The following ACACA variants were observed in gnomAD, a reference collection of about 807,000 sequenced individuals.
ACACA encodes acetyl-CoA carboxylase alpha.
ACACA carries 103 observed loss-of-function variants against 296.1 expected under a neutral mutation model. That is an observed-to-expected ratio of 0.35 (90% confidence interval 0.30 to 0.41). The LOEUF is 0.41. Among genes scored for constraint, ACACA ranks in the 10% least tolerant of loss-of-function variants. The pLI is 1.00. For synonymous variants in ACACA, 953 were observed against 1,038.6 expected (o/e 0.92, Z 1.58); for missense variants, 1,554 against 2,989.7 (o/e 0.52, Z 11.20).
At chr17:37,333,065 T>C (rs1417492939) in intron 2 of ACACA, among the ~76,000 whole-genome samples, 2 of 152,148 alleles carry the variant, frequency 1.3e-5, no homozygotes, top group African/African-American at 4.8e-5. Context: ...GATAATGGAA[T>C]ACTTGAAAGT....
intron 54 of ACACA, among the ~76,000 whole-genome samples, chr17:37,096,740 A>G (rs554331764): frequency 6.6e-6 from 1 of 152,336 alleles, no homozygotes; most frequent in South Asian, 2.1e-4. Context: ...TGCAGTGTCT[A>G]GTACCCAGTA....
chr17:37,312,720 T>A (rs1314721501), intron 3 of ACACA, among the ~76,000 whole-genome samples: 1 of 152,102 alleles, frequency 6.6e-6, no homozygotes, highest in Admixed American at 6.6e-5. Flanking sequence ...AAGTCAGTGA[T>A]GGTGGGAACT....
chr17:37,306,523 GCTTA>G (rs1371997491), intron 3 of ACACA, among the ~76,000 whole-genome samples: 5 of 151,876 alleles, frequency 3.3e-5, no homozygotes, highest in Admixed American at 6.6e-5. Flanking sequence ...GTCCCAGAAG[GCTTA>G]CTTGTGTCCC....
At chr17:37,171,766 A>G (rs1414405838) in intron 41 of ACACA, among the ~76,000 whole-genome samples, 2 of 152,208 alleles carry the variant, frequency 1.3e-5, no homozygotes, top group Non-Finnish European at 2.9e-5. Context: ...GAACAGGGAA[A>G]TTATTTCTCC....
intron 29 of ACACA, among the ~76,000 whole-genome samples, chr17:37,212,798 A>G (rs557988226): frequency 3.4e-4 from 52 of 151,534 alleles, no homozygotes; most frequent in Non-Finnish European, 5.6e-4. Flanking sequence ...GCCACTACAA[A>G]TTTTTCATCC....
chr17:37,381,650 C>T (rs1176142207), intron 1 of ACACA, among the ~76,000 whole-genome samples: 1 of 117,484 alleles, frequency 8.5e-6, no homozygotes, highest in Non-Finnish European at 1.7e-5. Context: ...TTTTTTGAGA[C>T]AGAGTCTCGC....
chr17:37,262,320 T>C (rs753976666), intron 11 of ACACA, among the ~76,000 whole-genome samples: 1 of 152,204 alleles, frequency 6.6e-6, no homozygotes, highest in Non-Finnish European at 1.5e-5. Context: ...AGAAGTGATG[T>C]ATGTGACTTC....
chr17:37,155,897 T>G lies in ACACA; in HGVS notation c.5350-117A>C, dbSNP rs2076222046. On this transcript the variant is annotated intron_variant, in intron 42 of 55. Transcript: ENST00000616317. ...AGCTAGCTTTAAATTGCCACATCAC[T>G]TCTTAGGTTTACTGTCTAACAGAAT... The G allele has an allele frequency of 9.5e-6, 7 of 736,026 alleles. No individual in the cohort carries two copies. In the East Asian group the frequency reaches 1.8e-4, roughly 19 times the overall value. The allele number at this position is 736,026 out of a possible 1,614,324, so 45.6% of individuals were successfully genotyped here. A position where few individuals can be genotyped will look rare whatever the true frequency, so the allele number is the denominator to read the frequency against.
At chr17:37,135,678 T>G (rs1330242804) in intron 45 of ACACA, among the ~76,000 whole-genome samples, 1 of 152,112 alleles carries the variant, frequency 6.6e-6, no homozygotes, top group Admixed American at 6.6e-5. Flanking sequence ...AGGAATGAAT[T>G]AGACAGCAGA....
intron 1 of ACACA, chr17:37,379,357 G>T: frequency 1.2e-6 from 2 of 1,613,940 alleles, no homozygotes; most frequent in South Asian, 1.1e-5. Flanking sequence ...CCAAGTTTCA[G>T]ACTGGATCTC....
chr17:37,124,794 G>T (rs2074697602), intron 48 of ACACA, among the ~76,000 whole-genome samples: 1 of 152,198 alleles, frequency 6.6e-6, no homozygotes, highest in Non-Finnish European at 1.5e-5. Context: ...CCCTCTGATG[G>T]CTTCTTGTCA....
chr17:37,328,291 G>T (rs2047710715), intron 3 of ACACA, among the ~76,000 whole-genome samples: 1 of 152,198 alleles, frequency 6.6e-6, no homozygotes, highest in African/African-American at 2.4e-5. Context: ...TTGTGGCCAG[G>T]TGTGGTGGCT....
At chr17:37,189,109 A>T (rs1310177915) in intron 38 of ACACA, among the ~76,000 whole-genome samples, 1 of 152,188 alleles carries the variant, frequency 6.6e-6, no homozygotes, top group Non-Finnish European at 1.5e-5. Context: ...ATGTTCCCAC[A>T]TTTCTCTAAG....
At chr17:37,268,741 C>CTATATATATATATATATATATATATA (rs71368449) in intron 10 of ACACA, among the ~76,000 whole-genome samples, 1 of 94,524 alleles carries the variant, frequency 1.1e-5, no homozygotes, top group African/African-American at 4.0e-5. Context: ...ATCTATCTAT[C>CTATATATATATATATATATATATATA]TATATATATA....
At position 37,284,862 on chromosome 17, in the gene ACACA, A is replaced by G; in HGVS notation, c.447T>C (p.Phe149=). The G allele has an allele frequency of 6.2e-7, 1 of 1,614,198 alleles. No individual in the cohort carries two copies. Among genetic ancestry groups the G allele is most frequent in the Non-Finnish European group, 8.5e-7 (1 of 1,180,024 alleles). Residue 149 remains phenylalanine (F), a synonymous_variant, in exon 4 of 56, where the codon TTT becomes TTC. Transcript: ENST00000616317. ...CCTTCTCAATCACTTTATTTCCCCC[A>G]AAGCGAGTAACAAATTCTGCTGGAG... ...VASPAEFVTR[F]GGNKVIEKVL...
rs185708911 is a variant in ACACA at position 37,339,480 on chromosome 17, A to G, written c.85+324T>C. The stretch of plus-strand genomic sequence containing the variant: ...GCTAAAAAGCCTGTCCAGCAACTGT[A>G]CTGAATAGTATTTCCCAGGCACGAG... On this transcript the variant is annotated intron_variant, in intron 2 of 55. Coordinates refer to ENST00000616317, the MANE Select transcript of ACACA (RefSeq NM_198834.3). Among the ~76,000 whole-genome samples, 10 of 152,344 alleles carry G rather than the reference A, an allele frequency of 6.6e-5. No homozygotes were observed. The East Asian group carries it at 1.7e-3, about 26-fold the overall frequency.
At chr17:37,206,623 T>C (rs2078512958) in intron 32 of ACACA, among the ~76,000 whole-genome samples, 160 bp downstream of exon 32, 1 of 152,200 alleles carries the variant, frequency 6.6e-6, no homozygotes, top group Admixed American at 6.5e-5. Flanking sequence ...TTCCACTTGT[T>C]TCCAGAAAAT....
At chr17:37,264,653 CT>C (rs2081665412) in intron 10 of ACACA, among the ~76,000 whole-genome samples, 1 of 152,182 alleles carries the variant, frequency 6.6e-6, no homozygotes, top group Admixed American at 6.5e-5. Context: ...TAGCTTTTCT[CT>C]CTTCAAATAT....
Position 37,097,095 on chromosome 17 carries a change from C to T in ACACA, c.6792G>A (p.Leu2264=). The T allele has an allele frequency of 1.9e-6, 3 of 1,614,038 alleles. No individual in the cohort carries two copies. Among genetic ancestry groups the T allele is most frequent in the Middle Eastern group, 3.3e-4 (2 of 6,062 alleles). The part of the protein sequence containing the change: ...WRLRRLLLED[L]VKKKIHNANP... ...TGGCATTGTGGATTTTCTTCTTGAC[C>T]AGGTCCTCCAGCAGAAGACGCCTCA... Residue 2264 remains leucine (L), a synonymous_variant, in exon 54 of 56, where the codon CTG becomes CTA. Coordinates refer to ENST00000616317, the MANE Select transcript of ACACA (RefSeq NM_198834.3). The surrounding 1 kb of genome is among the most constrained non-coding windows in gnomAD (Gnocchi z 4.8).
Sources: allele counts gnomAD v4.1 joint callset (sites outside exome capture counted in the v4.1 genomes callset), GRCh38; gene constraint gnomAD v4.1.1; non-coding constraint Gnocchi (gnomAD v3.1); transcripts MANE v1.5; gene names NCBI Gene and HGNC (gene_info 2026-07-23, HGNC 2026-07-21).